The following OTOF variants were observed in gnomAD, a reference collection of about 807,000 sequenced individuals.
OTOF encodes the protein fer-1-like family member 2.
In OTOF, 218 loss-of-function variants were observed where a neutral mutation model predicts 236.8. That is an observed-to-expected ratio of 0.92 (90% CI 0.82 to 1.03). The LOEUF (loss-of-function observed/expected upper bound fraction) is 1.03. Among genes scored for constraint, OTOF ranks in the 50% least tolerant of loss-of-function variants. The pLI, the probability that OTOF is intolerant of heterozygous loss-of-function variation, is 0.00. For synonymous variants in OTOF, 1,041 were observed against 1,072.5 expected (o/e 0.97, Z 0.57); for missense variants, 2,590 against 2,694.4 (o/e 0.96, Z 0.86).
rs45442103 is a variant in OTOF at position 26,460,909 on chromosome 2, G to A, written c.5655C>T (p.Arg1885=). The change falls in exon 44 of 47, where the codon CGC becomes CGT. Residue 1885 remains arginine, a synonymous_variant. Coordinates refer to ENST00000272371, the MANE Select transcript of OTOF (RefSeq NM_194248.3). The surrounding 1 kb of genome is among the most constrained non-coding windows in gnomAD (Gnocchi z 5.3). ...VPLVSIFKQK[R]VKGWWPLLAR... ...CCAGGAGGGGCCACCAGCCTTTGACGCGCTTTTGCTTGAAGATGGACACGA... is the reference window on the plus strand; with the variant it reads ...CCAGGAGGGGCCACCAGCCTTTGACACGCTTTTGCTTGAAGATGGACACGA... The A allele has an allele frequency of 0.055, 89,041 of 1,614,042 alleles. 2,762 individuals are homozygous for A. Among genetic ancestry groups the A allele is most frequent in the Non-Finnish European group, 0.062 (73,401 of 1,179,930 alleles).
chr2:26,527,154 A>T (rs565894583), intron 3 of OTOF, among the ~76,000 whole-genome samples: 1 of 152,236 alleles, frequency 6.6e-6, no homozygotes, highest in Non-Finnish European at 1.5e-5. Flanking sequence ...TGCAAGCTCC[A>T]TGAAGGTAGG....
rs1174865041 is a variant in OTOF at position 26,466,830 on chromosome 2, C to G, written c.4384G>C (p.Val1462Leu). ...CGGGACACGTCCTCTGGGAGTGGCA[C>G]TTTGTACACGCAGAGGGAGCCCTGG... ...RFKGSLCVYKVPLPEDVSREA... is the reference protein window; with the variant it reads ...RFKGSLCVYKLPLPEDVSREA... The change falls in exon 36 of 47, where the codon GTG becomes CTG. Residue 1462 changes from valine to leucine, a missense_variant. Physicochemically the swap from Val to Leu is conservative, Grantham distance 32 (BLOSUM62 1). Transcript: ENST00000272371. The G allele has an allele frequency of 1.2e-6, 2 of 1,614,092 alleles. No homozygotes were observed. The highest frequency in any genetic ancestry group is 2.7e-5 in the African/African-American group (2 of 74,938).
At chr2:26,496,598 A>C (rs1268806085) in intron 8 of OTOF, among the ~76,000 whole-genome samples, 1 of 152,054 alleles carries the variant, frequency 6.6e-6, no homozygotes, top group African/African-American at 2.4e-5. Flanking sequence ...AGAGAGAGAG[A>C]GAGCCAGAGC....
At position 26,461,459 on chromosome 2, in the gene OTOF, C is replaced by G. The variant is rs1049831563; in HGVS notation, c.5533+237G>C. 4.6e-5 allele frequency among the ~76,000 whole-genome samples: 7 copies of G among 152,280 alleles called. No homozygotes were observed. The East Asian group carries it at 1.4e-3, about 29-fold the overall frequency. ...CCTCCCCCATCATCACTGACTGCCC[C>G]CTCCTTGGTGTGTCCAAAGCTTGTT... On this transcript the variant is annotated intron_variant, in intron 43 of 46. Coordinates refer to ENST00000272371, the MANE Select transcript of OTOF (RefSeq NM_194248.3). The surrounding 1 kb of genome is among the most constrained non-coding windows in gnomAD (Gnocchi z 6.2).
intron 5 of OTOF, among the ~76,000 whole-genome samples, chr2:26,507,798 A>G (rs1022778488): frequency 6.6e-6 from 1 of 152,208 alleles, no homozygotes; most frequent in Non-Finnish European, 1.5e-5. Flanking sequence ...TACATTCACC[A>G]TGGTCAGAAT....
At chr2:26,556,073 G>A (rs1220987621) in intron 1 of OTOF, among the ~76,000 whole-genome samples, 1 of 152,178 alleles carries the variant, frequency 6.6e-6, no homozygotes, top group Non-Finnish European at 1.5e-5. Flanking sequence ...AGAAGGTCAA[G>A]CCATATTTCA....
intron 16 of OTOF, among the ~76,000 whole-genome samples, chr2:26,479,910 C>T (rs1408239093): frequency 1.3e-5 from 2 of 152,262 alleles, no homozygotes; most frequent in Non-Finnish European, 2.9e-5. Context: ...CTCTCCTCTC[C>T]AGCCCCGGGA....
chr2:26,474,455 G>C (rs1444916512), intron 26 of OTOF, 58 bp downstream of exon 26: 3 of 1,235,904 alleles, frequency 2.4e-6, no homozygotes, highest in East Asian at 4.2e-5. Context: ...CCCAGCCCTA[G>C]GCCCCAACTC....
In OTOF at chr2:26,480,248, C is replaced by T. The variant is rs763063323; in HGVS notation, c.1867G>A (p.Asp623Asn). The part of the protein sequence containing the change: ...FGAFLEASMI[D>N]RRNGDKPITF... ...ATGGGCTTGTCTCCGTTTCTCCGGTCGATCATTGAGGCCTCCAGGAAGGCT... is the reference window on the plus strand; with the variant it reads ...ATGGGCTTGTCTCCGTTTCTCCGGTTGATCATTGAGGCCTCCAGGAAGGCT... The change falls in exon 16 of 47, where the codon GAC (aspartate) becomes AAC (asparagine). Residue 623 changes from aspartate (D) to asparagine (N), a missense_variant. Physicochemically the swap from Asp to Asn is conservative, Grantham distance 23 (BLOSUM62 1). Transcript: ENST00000272371. 7.3e-5 allele frequency: 117 copies of T among 1,612,964 alleles called. No individual in the cohort carries two copies. Among genetic ancestry groups the T allele is most frequent in the African/African-American group, 1.1e-4 (8 of 74,940 alleles).
intron 8 of OTOF, among the ~76,000 whole-genome samples, chr2:26,497,089 C>CTTTTTTTTTTTTTTTTTTTTTTTTT: frequency 1.0e-5 from 1 of 97,758 alleles, no homozygotes; most frequent in Non-Finnish European, 2.2e-5. Context: ...GTACATTCTT[C>CTTTTTTTTTTTTTTTTTTTTTTTTT]TTTTTTTTTT....
Position 26,470,763 on chromosome 2 carries a change from T to A in OTOF, c.3895-42A>T. ...TCCAGAGTCCTACATGGACTCCTCC[T>A]GCCTGGACAATCCCGAGAGCCTCCA... is the stretch of plus-strand genomic sequence containing the variant. On this transcript the variant is annotated intron_variant, in intron 31 of 46. Transcript: ENST00000272371. The surrounding 1 kb of genome is among the most constrained non-coding windows in gnomAD (Gnocchi z 4.3). 1 of 1,605,352 alleles carries A rather than the reference T, an allele frequency of 6.2e-7. No homozygotes were observed. Among genetic ancestry groups the A allele is most frequent in the Non-Finnish European group, 8.5e-7 (1 of 1,178,184 alleles).
At chr2:26,459,907 T>C (rs1664376723) in intron 46 of OTOF, 101 bp downstream of exon 46, 2 of 1,098,484 alleles carry the variant, frequency 1.8e-6, no homozygotes, top group East Asian at 2.6e-5. Context: ...TGTGTGCACA[T>C]GTATGCATAT....
chr2:26,470,089 A>C lies in OTOF; in HGVS notation c.4023+504T>G, dbSNP rs1664907255. 6.6e-6 allele frequency among the ~76,000 whole-genome samples: 1 copy of C among 152,246 alleles called. No individual in the cohort carries two copies. The highest frequency in any genetic ancestry group is 1.5e-5 in the Non-Finnish European group (1 of 68,044). On this transcript the variant is annotated intron_variant, in intron 32 of 46. Coordinates refer to ENST00000272371, the MANE Select transcript of OTOF (RefSeq NM_194248.3). This position sits in a 1 kb window ranked among gnomAD's most constrained non-coding sequence, Gnocchi z 4.3. ...AGATGTGTAAAATAAAACATTATGAAGAAGAGTCGTAAGGACTACTGATAA... is the reference window on the plus strand; with the variant it reads ...AGATGTGTAAAATAAAACATTATGACGAAGAGTCGTAAGGACTACTGATAA...
chr2:26,527,971 C>A (rs368324038), intron 2 of OTOF, 51 bp from the exon 3 acceptor site: 3 of 1,338,838 alleles, frequency 2.2e-6, no homozygotes, highest in Non-Finnish European at 3.2e-6. Flanking sequence ...AGGTAGGAGC[C>A]GTGGGGTGTG....
chr2:26,533,783 T>C (rs939810), intron 2 of OTOF, among the ~76,000 whole-genome samples: 55,479 of 151,886 alleles, frequency 0.37, 12,598 homozygotes, highest in Admixed American at 0.53. Flanking sequence ...CACTGTTTTT[T>C]TCATTCTTTC....
At position 26,474,422 on chromosome 2, in the gene OTOF, G is replaced by GCCCCAGCCTTCAGGGTCCAGC. The variant is rs1323781668; in HGVS notation, c.3288+70_3288+90dup. 5.0e-4 allele frequency: 344 copies of GCCCCAGCCTTCAGGGTCCAGC among 693,278 alleles called. 3 individuals carry two copies. In the African/African-American group the frequency reaches 6.4e-3, roughly 13 times the overall value. 42.9% of individuals were successfully genotyped at this position (693,278 alleles called of 1,614,324 possible). A position where few individuals can be genotyped will look rare whatever the true frequency, so the allele number is the denominator to read the frequency against. Reference sequence around the variant, plus strand: ...CCCACCCCCAGGCCCCAGACCCCAGGCCCCAGCCTTCAGGGTCCAGCCCCC... The same window carrying GCCCCAGCCTTCAGGGTCCAGC: ...CCCACCCCCAGGCCCCAGACCCCAGGCCCCAGCCTTCAGGGTCCAGCCCCCAGCCTTCAGGGTCCAGCCCCC... On this transcript the variant is annotated intron_variant, in intron 26 of 46. Coordinates refer to ENST00000272371, the MANE Select transcript of OTOF (RefSeq NM_194248.3).
Position 26,498,954 on chromosome 2 carries a change from G to A in OTOF, c.765+2800C>T, listed in dbSNP as rs912924225. Among the ~76,000 whole-genome samples, 3 of 152,294 alleles carry A rather than the reference G, an allele frequency of 2.0e-5. No individual in the cohort carries two copies. In the South Asian group the frequency reaches 6.2e-4, roughly 32 times the overall value. On this transcript the variant is annotated intron_variant, in intron 8 of 46. Transcript: ENST00000272371. ...GAGTTTGGAGTGGAGGAGGCAATATGAGGGCAGGGAGACCAGGTAGAAAGT... is the reference window on the plus strand; with the variant it reads ...GAGTTTGGAGTGGAGGAGGCAATATAAGGGCAGGGAGACCAGGTAGAAAGT...
intron 1 of OTOF, among the ~76,000 whole-genome samples, chr2:26,539,151 A>G (rs933741691): frequency 1.3e-5 from 2 of 152,124 alleles, no homozygotes; most frequent in African/African-American, 4.8e-5. Flanking sequence ...CCAAGGTACA[A>G]TTTCGCACAA....
At chr2:26,516,911 C>A (rs981763586) in intron 4 of OTOF, among the ~76,000 whole-genome samples, 1 of 152,188 alleles carries the variant, frequency 6.6e-6, no homozygotes, top group Non-Finnish European at 1.5e-5. Context: ...GACTCACCCC[C>A]CGAGTCCACT....
Sources: gnomAD v4.1 joint callset for allele counts (sites outside exome capture counted in the v4.1 genomes callset) on GRCh38, gnomAD v4.1.1 for gene constraint, Gnocchi (gnomAD v3.1) non-coding constraint, MANE v1.5 for transcripts, NCBI Gene and HGNC (gene_info 2026-07-23, HGNC 2026-07-21) for gene names.